The following PCBP3 variants were observed in gnomAD, a reference collection of about 807,000 sequenced individuals.
PCBP3 encodes the protein poly(rC)-binding protein 3.
A neutral mutation model predicts 52.7 loss-of-function variants in PCBP3; 25 were observed. The ratio of observed to expected loss-of-function variants is 0.47; its 90% CI spans 0.35 to 0.66. PCBP3 has a LOEUF of 0.66. PCBP3 is among the 30% of genes least tolerant of loss of function. The pLI, the probability that PCBP3 is intolerant of heterozygous loss-of-function variation, is 0.01. For missense variants in PCBP3, 391 were observed against 490.3 expected, an observed-to-expected ratio of 0.80 and a Z score of 1.91; for synonymous variants, 162 against 183.0, an observed-to-expected ratio of 0.89 and a Z score of 0.93.
At chr21:45,648,265 T>C (rs1049252682) in intron 1 of PCBP3, among the ~76,000 whole-genome samples, 14 of 152,030 alleles carry the variant, frequency 9.2e-5, no homozygotes, top group African/African-American at 3.4e-4. Context: ...GTCTCTTCAT[T>C]TGGCAGTCTT....
intron 2 of PCBP3, among the ~76,000 whole-genome samples, chr21:45,682,540 A>G (rs1342417332): frequency 6.6e-6 from 1 of 152,198 alleles, no homozygotes; most frequent in African/African-American, 2.4e-5. Flanking sequence ...TAATGGTGGC[A>G]TATGGCCATA....
intron 2 of PCBP3, among the ~76,000 whole-genome samples, chr21:45,721,805 TG>T (rs1431939286): frequency 1.3e-5 from 2 of 152,182 alleles, no homozygotes; most frequent in Non-Finnish European, 2.9e-5. Flanking sequence ...GTATGTGCAT[TG>T]TTCTTTGACG....
chr21:45,645,652 C>T (rs771696469), intron 1 of PCBP3, among the ~76,000 whole-genome samples: 32 of 152,300 alleles, frequency 2.1e-4, no homozygotes, highest in South Asian at 4.1e-4. Flanking sequence ...TGACAGCATG[C>T]TGCATTTATA....
intron 6 of PCBP3, among the ~76,000 whole-genome samples, chr21:45,898,859 A>G (rs1341789175): frequency 1.0e-5 from 1 of 99,092 alleles, no homozygotes; most frequent in Non-Finnish European, 2.0e-5. Context: ...CTCTCTCTCC[A>G]CGGGCCCCTC....
intron 4 of PCBP3, among the ~76,000 whole-genome samples, chr21:45,838,450 C>T (rs929058070): frequency 6.6e-6 from 1 of 151,896 alleles, no homozygotes; most frequent in Non-Finnish European, 1.5e-5. Context: ...GAGACCACAG[C>T]GTGAGTATTA....
At chr21:45,764,431 A>C (rs952727317) in intron 4 of PCBP3, among the ~76,000 whole-genome samples, 1 of 152,204 alleles carries the variant, frequency 6.6e-6, no homozygotes, top group Admixed American at 6.5e-5. Flanking sequence ...CAGTAATACA[A>C]AGTTTCTTGA....
intron 3 of PCBP3, among the ~76,000 whole-genome samples, chr21:45,739,297 ACCCC>A: frequency 7.9e-5 from 2 of 25,262 alleles, no homozygotes; most frequent in African/African-American, 1.6e-4. Flanking sequence ...TCATCAGCCC[ACCCC>A]TTCCTGTGCA....
In PCBP3 at chr21:45,802,871, C is replaced by T. The variant is rs186973821; in HGVS notation, c.-125-47090C>T. Among the ~76,000 whole-genome samples, 11 of 152,246 alleles carry T rather than the reference C, an allele frequency of 7.2e-5. No homozygotes were observed. In the East Asian group the frequency reaches 1.7e-3, roughly 24 times the overall value. On this transcript the variant is annotated intron_variant, in intron 4 of 17. Transcript: ENST00000681687. The surrounding 1 kb of genome is among the most constrained non-coding windows in gnomAD (Gnocchi z 5.1). ...GGAGGGAAAAGCTTTTAACCCTTGT[C>T]GTGTATAAACGACTCACTAGGTCTT...
chr21:45,670,349 A>C (rs556927159), intron 2 of PCBP3, among the ~76,000 whole-genome samples: 119 of 152,290 alleles, frequency 7.8e-4, no homozygotes, highest in African/African-American at 2.7e-3. Flanking sequence ...AAAATAGACT[A>C]TGTTGGGTAA....
chr21:45,933,538 A>T (rs2041310719), intron 15 of PCBP3, among the ~76,000 whole-genome samples: 1 of 152,216 alleles, frequency 6.6e-6, no homozygotes, highest in Non-Finnish European at 1.5e-5. Context: ...GACCAAGGAA[A>T]TCTTTTCAGT....
At chr21:45,899,807 C>T (rs1392599214) in intron 7 of PCBP3, among the ~76,000 whole-genome samples, 185 bp downstream of exon 7, 1 of 152,146 alleles carries the variant, frequency 6.6e-6, no homozygotes, top group Non-Finnish European at 1.5e-5. Context: ...TGAAGCTGGT[C>T]CCTGGCTCTG....
chr21:45,889,042 C>G (rs1268261639), intron 5 of PCBP3, among the ~76,000 whole-genome samples: 2 of 152,218 alleles, frequency 1.3e-5, no homozygotes, highest in Non-Finnish European at 2.9e-5. Context: ...TACCACTTTG[C>G]CATAAGCAAG....
chr21:45,745,484 T>C (rs1228519438), intron 3 of PCBP3, among the ~76,000 whole-genome samples: 1 of 152,192 alleles, frequency 6.6e-6, no homozygotes, highest in East Asian at 1.9e-4. Flanking sequence ...CTTGCTATGT[T>C]GTCATGACTG....
Sources: allele counts gnomAD v4.1 joint callset (sites outside exome capture counted in the v4.1 genomes callset), GRCh38; gene constraint gnomAD v4.1.1; non-coding constraint Gnocchi (gnomAD v3.1); transcripts MANE v1.5; gene names NCBI Gene and HGNC (gene_info 2026-07-23, HGNC 2026-07-21).